The following CGNL1 variants were observed in gnomAD, a reference collection of about 807,000 sequenced individuals.
CGNL1 encodes cingulin like 1.
CGNL1 carries 132 observed loss-of-function variants against 141.2 expected under a neutral mutation model. The observed-to-expected ratio is 0.93, with a 90% CI of 0.81 to 1.08. CGNL1 has a LOEUF of 1.08. Ranked by LOEUF, CGNL1 falls within the 50% of genes least tolerant of loss-of-function variation. The pLI is 0.00. For synonymous variants in CGNL1, 690 were observed against 622.1 expected (o/e 1.11, Z -1.63); for missense variants, 1,870 against 1,588.6 (o/e 1.18, Z -3.01).
chr15:57,453,728 C>A lies in CGNL1; in HGVS notation c.2100C>A (p.Ile700=). The change falls in exon 7 of 19, where the codon ATC becomes ATA. Residue 700 remains isoleucine, a synonymous_variant. Transcript: ENST00000281282. The part of the protein sequence containing the change: ...KMEREQHQTE[I]RDLQDQLSEM... Reference sequence around the variant, plus strand: ...AACGGGAGCAGCATCAGACTGAGATCAGGGATCTCCAGGACCAGCTCTCAG... The same window carrying A: ...AACGGGAGCAGCATCAGACTGAGATAAGGGATCTCCAGGACCAGCTCTCAG... The A allele has an allele frequency of 6.2e-7, 1 of 1,613,924 alleles. No individual in the cohort carries two copies. The highest frequency in any genetic ancestry group is 8.5e-7 in the Non-Finnish European group (1 of 1,179,932).
At chr15:57,507,886 G>C (rs563457523) in intron 8 of CGNL1, among the ~76,000 whole-genome samples, 1 of 152,296 alleles carries the variant, frequency 6.6e-6, no homozygotes, top group South Asian at 2.1e-4. Context: ...AGCTGGCCAG[G>C]ACATTGAAAC....
At chr15:57,538,015 C>CG (rs1308532114) in intron 14 of CGNL1, among the ~76,000 whole-genome samples, 1 of 152,208 alleles carries the variant, frequency 6.6e-6, no homozygotes. Context: ...TCCCCGCCAC[C>CG]CCCCGCCCCA....
chr15:57,523,292 C>T (rs1300101746), intron 10 of CGNL1, among the ~76,000 whole-genome samples, 197 bp from the exon 11 acceptor site: 1 of 152,228 alleles, frequency 6.6e-6, no homozygotes, highest in African/African-American at 2.4e-5. Context: ...GGTAAGTCAA[C>T]TTTCCTATTT....
At chr15:57,469,873 G>C (rs34055562) in intron 8 of CGNL1, among the ~76,000 whole-genome samples, 1 of 152,068 alleles carries the variant, frequency 6.6e-6, no homozygotes, top group Non-Finnish European at 1.5e-5. Flanking sequence ...TGTCTGAAGA[G>C]GTTCTTCCAA....
At chr15:57,453,126 T>G in intron 6 of CGNL1, among the ~76,000 whole-genome samples, 1 of 152,084 alleles carries the variant, frequency 6.6e-6, no homozygotes, top group Non-Finnish European at 1.5e-5. Context: ...CATCAGGTGG[T>G]GATTATTTTA....
intron 1 of CGNL1, among the ~76,000 whole-genome samples, chr15:57,408,867 T>C: frequency 6.6e-6 from 1 of 151,882 alleles, no homozygotes; most frequent in East Asian, 1.9e-4. Context: ...TGGCGAAACC[T>C]CATCTCTACT....
chr15:57,431,538 G>T (rs1231059996), intron 1 of CGNL1, among the ~76,000 whole-genome samples: 1 of 152,138 alleles, frequency 6.6e-6, no homozygotes, highest in Non-Finnish European at 1.5e-5. Context: ...TGAGGTTCTA[G>T]TGTGAATATC....
intron 1 of CGNL1, among the ~76,000 whole-genome samples, chr15:57,410,952 T>C (rs1347011060): frequency 6.6e-6 from 1 of 152,232 alleles, no homozygotes; most frequent in Non-Finnish European, 1.5e-5. Flanking sequence ...GGTGTTTTCA[T>C]ACAAGAATCT....
At chr15:57,486,490 T>A (rs1280260361) in intron 8 of CGNL1, among the ~76,000 whole-genome samples, 1 of 152,256 alleles carries the variant, frequency 6.6e-6, no homozygotes, top group Non-Finnish European at 1.5e-5. Flanking sequence ...GTCCATTCTG[T>A]CACTCACATG....
chr15:57,543,732 G>T lies in CGNL1; in HGVS notation c.3328G>T (p.Ala1110Ser). ...GAGGAATGAGCTACTTCAGGAGAGA[G>T]CTGCGAGACAAGACTTGGAGTGCGA... Reference protein sequence around the residue: ...QLRNELLQERAARQDLECDKI... With the variant: ...QLRNELLQERSARQDLECDKI... Residue 1110 changes from alanine (A) to serine (S), a missense_variant, in exon 15 of 19, where the codon GCT becomes TCT. Transcript: ENST00000281282. The T allele has an allele frequency of 6.2e-7, 1 of 1,614,078 alleles. No individual in the cohort carries two copies. The highest frequency in any genetic ancestry group is 8.5e-7 in the Non-Finnish European group (1 of 1,179,982).
chr15:57,485,870 A>G (rs190479082), intron 8 of CGNL1, among the ~76,000 whole-genome samples: 112 of 152,266 alleles, frequency 7.4e-4, no homozygotes, highest in Admixed American at 2.1e-3. Flanking sequence ...CCAGATGCTG[A>G]TTTAAAAGGA....
At chr15:57,500,806 C>T (rs1346436317) in intron 8 of CGNL1, among the ~76,000 whole-genome samples, 2 of 152,134 alleles carry the variant, frequency 1.3e-5, no homozygotes, top group African/African-American at 4.8e-5. Flanking sequence ...ATGAATGAAT[C>T]GGCTAACTGA....
rs559322063 is a variant in CGNL1, at chr15:57,480,804, C to T, written c.2403+18912C>T. On this transcript the variant is annotated intron_variant, in intron 8 of 18. Coordinates refer to ENST00000281282, the MANE Select transcript of CGNL1 (RefSeq NM_032866.5). ...AGGAGACAGGTATGCTTTTGGTTTC[C>T]AGTGATCAGTCTGTGAACTTGGGGC... Among the ~76,000 whole-genome samples, 170 of 152,230 alleles carry T rather than the reference C, an allele frequency of 1.1e-3. 3 individuals are homozygous for T. The South Asian group carries it at 0.013, about 12-fold the overall frequency.
intron 8 of CGNL1, among the ~76,000 whole-genome samples, chr15:57,507,640 G>A (rs1285774594): frequency 2.0e-5 from 3 of 152,240 alleles, no homozygotes; most frequent in Admixed American, 6.5e-5. Context: ...CAAGGTATAT[G>A]TAAACTCTAC....
chr15:57,444,551 C>T (rs1433283332), intron 4 of CGNL1, among the ~76,000 whole-genome samples: 1 of 152,168 alleles, frequency 6.6e-6, no homozygotes, highest in Non-Finnish European at 1.5e-5. Context: ...TGAGATTGTC[C>T]TTGTGGGTCA....
intron 8 of CGNL1, among the ~76,000 whole-genome samples, chr15:57,479,947 C>T (rs1354754710): frequency 1.3e-5 from 2 of 152,062 alleles, no homozygotes; most frequent in African/African-American, 4.8e-5. Flanking sequence ...GAGAGGGTGA[C>T]AGCAAAGGAC....
intron 1 of CGNL1, among the ~76,000 whole-genome samples, chr15:57,429,126 C>T (rs1187703156): frequency 2.6e-5 from 4 of 152,068 alleles, no homozygotes; most frequent in African/African-American, 9.7e-5. Context: ...CTCTTGGTAG[C>T]GTGGTCTAAT....
intron 10 of CGNL1, among the ~76,000 whole-genome samples, chr15:57,523,197 C>G (rs1022833257): frequency 2.6e-5 from 4 of 152,174 alleles, no homozygotes; most frequent in African/African-American, 9.7e-5. Context: ...CAGACACCAT[C>G]CTGAATTCCC....
At chr15:57,410,082 A>G (rs1425376860) in intron 1 of CGNL1, among the ~76,000 whole-genome samples, 1 of 152,192 alleles carries the variant, frequency 6.6e-6, no homozygotes, top group Non-Finnish European at 1.5e-5. Flanking sequence ...ACTTCAAGGA[A>G]GTGGAATCCT....
Sources: allele counts gnomAD v4.1 joint callset (sites outside exome capture counted in the v4.1 genomes callset), GRCh38; gene constraint gnomAD v4.1.1; transcripts MANE v1.5; gene names NCBI Gene and HGNC (gene_info 2026-07-23, HGNC 2026-07-21).